The following RBSN variants were observed in gnomAD, a reference collection of about 807,000 sequenced individuals.
The protein encoded by RBSN is rabenosyn, RAB effector, also known as rabenosyn-5.
Under a neutral mutation model 60.5 loss-of-function variants are expected in RBSN, and 34 were observed. The ratio of observed to expected loss-of-function variants is 0.56; its 90% CI spans 0.43 to 0.75. The LOEUF (loss-of-function observed/expected upper bound fraction) is 0.75, where lower values mean the gene tolerates loss of function less well. Ranked by LOEUF, RBSN falls within the 30% of genes least tolerant of loss-of-function variation. The pLI is 0.00. For missense variants in RBSN, 845 were observed against 986.8 expected, an observed-to-expected ratio of 0.86 and a Z score of 1.92; for synonymous variants, 322 against 366.9, an observed-to-expected ratio of 0.88 and a Z score of 1.40.
At chr3:15,097,477 T>G (rs778960934) in intron 2 of RBSN, among the ~76,000 whole-genome samples, 2 of 152,112 alleles carry the variant, frequency 1.3e-5, no homozygotes, top group Non-Finnish European at 2.9e-5. Context: ...ATCATGCCAT[T>G]GCACTCCAGC....
At chr3:15,080,945 G>T in intron 9 of RBSN, 143 bp from the exon 10 acceptor site, 1 of 673,854 alleles carries the variant, frequency 1.5e-6, no homozygotes, top group Non-Finnish European at 2.5e-6. Flanking sequence ...CTGATTTATA[G>T]GCATACTTTC....
At position 15,082,491 on chromosome 3, in the gene RBSN, G is replaced by C. The variant is rs753202659; in HGVS notation, c.716C>G (p.Ser239Trp). 2 of 1,613,990 alleles carry C rather than the reference G, an allele frequency of 1.2e-6. No individual in the cohort carries two copies. The highest frequency in any genetic ancestry group is 1.7e-5 in the Admixed American group (1 of 59,990). ...GTCATCGTCCTTCTCATCCAGGACC[G>C]AGCTGACACTGCTCATGCTGCTGAT... ...GSISSMSSVS[S>W]VLDEKDDDRI... Residue 239 changes from serine (S) to tryptophan (W), a missense_variant, in exon 9 of 14, where the codon TCG becomes TGG. Transcript: ENST00000253699. This position sits in a 1 kb window ranked among gnomAD's most constrained non-coding sequence, Gnocchi z 4.2.
intron 4 of RBSN, 166 bp downstream of exon 4, chr3:15,095,801 GAAATTA>G (rs2043640330): frequency 1.3e-6 from 1 of 790,170 alleles, no homozygotes; most frequent in South Asian, 1.8e-5. Context: ...AGGATTAAAT[GAAATTA>G]ATAAACAGGG....
At chr3:15,079,573 G>A (rs1487662400) in intron 10 of RBSN, among the ~76,000 whole-genome samples, 1 of 152,190 alleles carries the variant, frequency 6.6e-6, no homozygotes, top group Non-Finnish European at 1.5e-5. Context: ...AACAAAATGT[G>A]ACAAGTATCC....
rs750636611 is a variant in RBSN, at chr3:15,095,893, A to G, written c.148+80T>C. On this transcript the variant is annotated intron_variant, in intron 4 of 13. Transcript: ENST00000253699. Reference sequence around the variant, plus strand: ...CTACTATTATCATATTCCTGTGGCAACACCAAAGCTGATGAGAACTATCCC... The same window carrying G: ...CTACTATTATCATATTCCTGTGGCAGCACCAAAGCTGATGAGAACTATCCC... 2.5e-6 allele frequency: 4 copies of G among 1,590,094 alleles called. No individual in the cohort carries two copies. The African/African-American group carries it at 5.4e-5, about 21-fold the overall frequency.
Position 15,084,474 on chromosome 3 carries a change from T to C in RBSN, c.598+261A>G, listed in dbSNP as rs1429848386. On this transcript the variant is annotated intron_variant, in intron 8 of 13. Coordinates refer to ENST00000253699, the MANE Select transcript of RBSN (RefSeq NM_022340.4). This position sits in a 1 kb window ranked among gnomAD's most constrained non-coding sequence, Gnocchi z 4.2. ...GAAAGAAGAAATGTCACAGCAACCA[T>C]ATGTGGCCCACAAAGCCTAAATGTA... 2.0e-5 allele frequency among the ~76,000 whole-genome samples: 3 copies of C among 152,190 alleles called. No homozygotes were observed. In the East Asian group the frequency reaches 5.8e-4, roughly 29 times the overall value.
chr3:15,091,296 T>C, intron 4 of RBSN: 1 of 1,013,824 alleles, frequency 9.9e-7, no homozygotes, highest in South Asian at 3.5e-5. Flanking sequence ...ATAGTACTAA[T>C]TCATTTACCC....
At chr3:15,090,216 A>T (rs2043474635) in intron 5 of RBSN, among the ~76,000 whole-genome samples, 183 bp downstream of exon 5, 1 of 152,224 alleles carries the variant, frequency 6.6e-6, no homozygotes, top group African/African-American at 2.4e-5. Context: ...TGTAGTGCCT[A>T]ACACAAAGTG....
Position 15,073,667 on chromosome 3 carries a change from G to T in RBSN, c.*115C>A. ...AACAGCAGATTCCTGCCCCTCACCT[G>T]TGTGCATCTGAGTTCTCACCCTGCC... On this transcript the variant is annotated 3_prime_UTR_variant, in exon 14 of 14. Coordinates refer to ENST00000253699, the MANE Select transcript of RBSN (RefSeq NM_022340.4). 2 of 1,118,626 alleles carry T rather than the reference G, an allele frequency of 1.8e-6. No individual in the cohort carries two copies. The highest frequency in any genetic ancestry group is 2.5e-6 in the Non-Finnish European group (2 of 790,220). 69.3% of individuals were successfully genotyped at this position (1,118,626 alleles called of 1,614,324 possible).
chr3:15,086,422 G>A (rs370342528), intron 5 of RBSN, among the ~76,000 whole-genome samples: 1 of 152,288 alleles, frequency 6.6e-6, no homozygotes, highest in South Asian at 2.1e-4. Context: ...TGAGAGTAGA[G>A]CAGATAAGAG....
chr3:15,097,493 C>T (rs978467671), intron 2 of RBSN, among the ~76,000 whole-genome samples: 6 of 152,066 alleles, frequency 3.9e-5, no homozygotes, highest in African/African-American at 1.4e-4. Context: ...CCAGCCTGGG[C>T]AACAAGAGCG....
At chr3:15,090,569 A>G (rs964385412) in intron 4 of RBSN, 30 bp from the exon 5 acceptor site, 32 of 1,608,852 alleles carry the variant, frequency 2.0e-5, no homozygotes, top group Non-Finnish European at 2.5e-5. Context: ...AATACAAATG[A>G]GCCATGAAGA....
rs763106605 is a variant in RBSN, at chr3:15,074,025, A to G, written c.2112T>C (p.Pro704=). ...DEHPQQRLSS[P]LVPGNPFEEP... is the part of the protein sequence containing the mutation. ...CCTCAAAGGGGTTACCAGGAACCAG[A>G]GGGCTTGAGAGCCTCTGCTGGGGAT... The change falls in exon 14 of 14, where the codon CCT becomes CCC. Residue 704 remains proline, a synonymous_variant. Transcript: ENST00000253699. This position sits in a 1 kb window ranked among gnomAD's most constrained non-coding sequence, Gnocchi z 6.4. The G allele has an allele frequency of 1.3e-5, 21 of 1,613,958 alleles. No homozygotes were observed. The Admixed American group carries it at 3.5e-4, about 27-fold the overall frequency.
At chr3:15,075,016 T>C (rs1473719646) in intron 13 of RBSN, 86 bp from the exon 14 acceptor site, 1 of 1,447,886 alleles carries the variant, frequency 6.9e-7, no homozygotes, top group African/African-American at 1.4e-5. Context: ...TGTCCCTCTA[T>C]CCCTGTGCCA....
intron 4 of RBSN, 164 bp downstream of exon 4, chr3:15,095,809 T>C (rs2043640851): frequency 1.2e-6 from 1 of 838,138 alleles, no homozygotes; most frequent in Non-Finnish European, 1.8e-6. Context: ...ATGAAATTAA[T>C]AAACAGGGAA....
chr3:15,073,993 G>A lies in RBSN; in HGVS notation c.2144C>T (p.Thr715Ile). The change falls in exon 14 of 14, where the codon ACC becomes ATC. Residue 715 changes from threonine (T) to isoleucine (I), a missense_variant. By Grantham distance (89) the Thr-to-Ile change is moderately conservative. Transcript: ENST00000253699. ...LVPGNPFEEP[T>I]CINPFEMDSD... The stretch of plus-strand genomic sequence containing the variant: ...GTCCATCTCAAAGGGGTTGATACAG[G>A]TGGGTTCCTCAAAGGGGTTACCAGG... 33 of 1,614,046 alleles carry A rather than the reference G, an allele frequency of 2.0e-5. No homozygotes were observed. Among genetic ancestry groups the A allele is most frequent in the Non-Finnish European group, 2.8e-5 (33 of 1,179,982 alleles).
rs1266433887 is a variant in RBSN at position 15,078,094 on chromosome 3, C to G, written c.979G>C (p.Glu327Gln). 1 of 1,614,090 alleles carries G rather than the reference C, an allele frequency of 6.2e-7. No homozygotes were observed. Among genetic ancestry groups the G allele is most frequent in the Non-Finnish European group, 8.5e-7 (1 of 1,179,952 alleles). The change falls in exon 11 of 14, where the codon GAG becomes CAG. Residue 327 changes from glutamate (E) to glutamine (Q), a missense_variant. Coordinates refer to ENST00000253699, the MANE Select transcript of RBSN (RefSeq NM_022340.4). Reference protein sequence around the residue: ...DLRVEVQKVYELIDALSKKIL... With the variant: ...DLRVEVQKVYQLIDALSKKIL... ...CCTTACCTTAAAGCGTCTATCAGCT[C>G]ATACACTTTCTGCACTTCCACTCGA...
chr3:15,081,757 T>G (rs539858638), intron 9 of RBSN, among the ~76,000 whole-genome samples: 1 of 152,334 alleles, frequency 6.6e-6, no homozygotes, highest in Non-Finnish European at 1.5e-5. Flanking sequence ...TCCACCTGGC[T>G]AGTCTTCCTC....
At position 15,084,317 on chromosome 3, in the gene RBSN, CAT is replaced by C. The variant is rs1474660760; in HGVS notation, c.598+416_598+417del. 1.3e-5 allele frequency among the ~76,000 whole-genome samples: 2 copies of C among 152,124 alleles called. No homozygotes were observed. Among genetic ancestry groups the C allele is most frequent in the Middle Eastern group, 3.2e-3 (1 of 316 alleles). ...TATTTTTATAGAGACAGGGTTTCAA[CAT>C]GTTGGCCACGCTGGTCTCAAACTCC... On this transcript the variant is annotated intron_variant, in intron 8 of 13. Transcript: ENST00000253699. This position sits in a 1 kb window ranked among gnomAD's most constrained non-coding sequence, Gnocchi z 4.2.
Sources: gnomAD v4.1 joint callset for allele counts (sites outside exome capture counted in the v4.1 genomes callset) on GRCh38, gnomAD v4.1.1 for gene constraint, Gnocchi (gnomAD v3.1) non-coding constraint, MANE v1.5 for transcripts, NCBI Gene and HGNC (gene_info 2026-07-23, HGNC 2026-07-21) for gene names.